Variants in BRPF3 observed in about 807,000 individuals in gnomAD.
The protein encoded by BRPF3 is bromodomain and PHD finger-containing protein 3.
BRPF3 carries 18 observed loss-of-function variants against 102.0 expected under a neutral mutation model. That is an observed-to-expected ratio of 0.18 (90% confidence interval 0.12 to 0.26). The LOEUF is 0.26. Ranked by LOEUF, BRPF3 falls within the 10% of genes least tolerant of loss-of-function variation. BRPF3 has a pLI of 1.00. For synonymous variants in BRPF3, 570 were observed against 614.2 expected, an observed-to-expected ratio of 0.93 and a Z score of 1.06; for missense variants, 1,147 against 1,567.8, an observed-to-expected ratio of 0.73 and a Z score of 4.53.
At chr6:36,209,939 T>C in intron 5 of BRPF3, 24 bp downstream of exon 5, 3 of 1,612,822 alleles carry the variant, frequency 1.9e-6, no homozygotes, top group Non-Finnish European at 2.5e-6. Flanking sequence ...ACTTTCCAAG[T>C]AGTAAATTCT....
chr6:36,202,413 C>G (rs751149589), intron 2 of BRPF3, among the ~76,000 whole-genome samples: 7 of 140,064 alleles, frequency 5.0e-5, no homozygotes, highest in African/African-American at 1.3e-4. Flanking sequence ...TCTGTGGACC[C>G]CCCCCCCCTC....
intron 2 of BRPF3, among the ~76,000 whole-genome samples, chr6:36,204,147 T>C (rs1233008886): frequency 6.6e-6 from 1 of 152,166 alleles, no homozygotes; most frequent in Non-Finnish European, 1.5e-5. Flanking sequence ...CTGTTGAGGT[T>C]TATACCATGA....
chr6:36,212,878 G>A (rs190454624), intron 7 of BRPF3, among the ~76,000 whole-genome samples: 453 of 152,208 alleles, frequency 3.0e-3, no homozygotes, highest in African/African-American at 0.01. Context: ...GCGTGAACCC[G>A]GGAAGCGGAG....
intron 12 of BRPF3, 100 bp downstream of exon 12, chr6:36,229,156 AGTT>A (rs1015197771): frequency 2.7e-6 from 4 of 1,454,786 alleles, no homozygotes; most frequent in Non-Finnish European, 3.7e-6. Flanking sequence ...GGATGTTACC[AGTT>A]ACCCTGGTCT....
intron 11 of BRPF3, 90 bp from the exon 12 acceptor site, chr6:36,228,812 G>C: frequency 6.9e-7 from 1 of 1,456,220 alleles, no homozygotes; most frequent in South Asian, 1.2e-5. Context: ...TACTCCCCTG[G>C]TGTGGGTGCT....
At chr6:36,211,180 C>G in intron 6 of BRPF3, 78 bp from the exon 7 acceptor site, 4 of 1,456,236 alleles carry the variant, frequency 2.7e-6, no homozygotes, top group South Asian at 2.6e-5. Flanking sequence ...GTTTTGCATC[C>G]GAAGGATTCG....
In BRPF3 at chr6:36,211,372, C is replaced by T. The variant is rs548163808; in HGVS notation, c.2294C>T (p.Thr765Ile). The change falls in exon 7 of 13, where the codon ACC (threonine) becomes ATC (isoleucine). Residue 765 changes from threonine (T) to isoleucine (I), a missense_variant. By Grantham distance (89) the Thr-to-Ile change is moderately conservative (BLOSUM62 -1). Coordinates refer to ENST00000357641, the MANE Select transcript of BRPF3 (RefSeq NM_015695.3). ...VSAMRSSGAR[T>I]RRVRLLRREI... Reference sequence around the variant, plus strand: ...GCCATGCGGTCCAGTGGGGCCCGCACCCGTCGTGTCCGCCTGCTACGCCGG... The same window carrying T: ...GCCATGCGGTCCAGTGGGGCCCGCATCCGTCGTGTCCGCCTGCTACGCCGG... 2.1e-5 allele frequency: 34 copies of T among 1,614,234 alleles called. No homozygotes were observed. The East Asian group carries it at 7.4e-4, about 35-fold the overall frequency.
In BRPF3 at chr6:36,207,241, C is replaced by T. The variant is rs533251591; in HGVS notation, c.1606-72C>T. 2,306 of 1,567,372 alleles carry T rather than the reference C, an allele frequency of 1.5e-3. 20 individuals are homozygous for T. The highest frequency in any genetic ancestry group is 0.012 in the African/African-American group (921 of 73,750). On this transcript the variant is annotated intron_variant, in intron 3 of 12. Transcript: ENST00000357641. ...ACAAGACTTTTACCTGCTGCAGCCCCGTGAGGCTTGAACAGGGAGAGGACT... is the reference window on the plus strand; with the variant it reads ...ACAAGACTTTTACCTGCTGCAGCCCTGTGAGGCTTGAACAGGGAGAGGACT...
At chr6:36,198,451 T>C (rs1319976565) in intron 1 of BRPF3, among the ~76,000 whole-genome samples, 1 of 152,194 alleles carries the variant, frequency 6.6e-6, no homozygotes, top group African/African-American at 2.4e-5. Context: ...ACCTCTGTGG[T>C]GTTCTTAATT....
At chr6:36,218,979 C>G (rs1156429078) in intron 9 of BRPF3, among the ~76,000 whole-genome samples, 1 of 152,136 alleles carries the variant, frequency 6.6e-6, no homozygotes, top group Non-Finnish European at 1.5e-5. Flanking sequence ...GAAACCCTCA[C>G]TGCCACAAAG....
chr6:36,212,451 C>A lies in BRPF3; in HGVS notation c.2482+891C>A, dbSNP rs146419087. On this transcript the variant is annotated intron_variant, in intron 7 of 12. Coordinates refer to ENST00000357641, the MANE Select transcript of BRPF3 (RefSeq NM_015695.3). The stretch of plus-strand genomic sequence containing the variant: ...AGAGATCACATTTGACATCAGAGGG[C>A]TTTTATGTCCATTGTGACTCCTCTG... Among the ~76,000 whole-genome samples the A allele has an allele frequency of 6.1e-4, 93 of 151,710 alleles. 2 individuals are homozygous for A. The East Asian group carries it at 0.016, about 26-fold the overall frequency.
Position 36,231,203 on chromosome 6 carries a change from CT to C in BRPF3, c.*599del, listed in dbSNP as rs1366380282. On this transcript the variant is annotated 3_prime_UTR_variant, in exon 13 of 13. Transcript: ENST00000357641. ...TGACAGAAACCGTCACCACACTGGT[CT>C]TTTTCTTTAATGTCTCATTCCCCTT... 1 of 152,942 alleles carries C rather than the reference CT, an allele frequency of 6.5e-6. No homozygotes were observed. The highest frequency in any genetic ancestry group is 1.5e-5 in the Non-Finnish European group (1 of 68,288). 9.5% of individuals were successfully genotyped at this position (152,942 alleles called of 1,614,324 possible). A position where few individuals can be genotyped will look rare whatever the true frequency, so the allele number is the denominator to read the frequency against.
rs1163564110 is a variant in BRPF3 at position 36,225,252 on chromosome 6, C to T, written c.3182-15C>T. On this transcript the variant is annotated splice_polypyrimidine_tract_variant and intron_variant, in intron 10 of 12. Transcript: ENST00000357641. ...TCCCCTTTGGGTGCTGTCTCCTCCC[C>T]TCCCCCACCCCCAGGCAGAAGCCTC... is the stretch of plus-strand genomic sequence containing the variant. 1.2e-6 allele frequency: 2 copies of T among 1,603,026 alleles called. No individual in the cohort carries two copies. Among genetic ancestry groups the T allele is most frequent in the East Asian group, 4.5e-5 (2 of 44,864 alleles).
In BRPF3 at chr6:36,214,127, G is replaced by A; in HGVS notation, c.2730G>A (p.Met910Ile). The stretch of plus-strand genomic sequence containing the variant: ...ATGGCATCAACAGACTATCCCTCAT[G>A]GCCCCTGACACCCCGGCCGGTACCC... ...SDNGINRLSL[M>I]APDTPAGTPL... The change falls in exon 8 of 13, where the codon ATG (methionine) becomes ATA (isoleucine). Residue 910 changes from methionine to isoleucine, a missense_variant. This residue lies in a region of BRPF3 where 379 missense variants were observed against 426.3 expected (regional missense o/e 0.89). Transcript: ENST00000357641. 6.2e-7 allele frequency: 1 copy of A among 1,614,206 alleles called. No individual in the cohort carries two copies.
intron 2 of BRPF3, among the ~76,000 whole-genome samples, chr6:36,202,419 C>CT (rs376556495): frequency 7.0e-6 from 1 of 142,578 alleles, no homozygotes; most frequent in Non-Finnish European, 1.6e-5. Flanking sequence ...GACCCCCCCC[C>CT]CCTCCGCCCC....
chr6:36,204,931 C>A, intron 3 of BRPF3, 117 bp downstream of exon 3: 2 of 1,402,094 alleles, frequency 1.4e-6, no homozygotes, highest in South Asian at 1.4e-5. Flanking sequence ...CTTTGCCTAC[C>A]TGTCTGGGTG....
rs1383679548 is a variant in BRPF3 at position 36,211,763 on chromosome 6, C to A, written c.2482+203C>A. Among the ~76,000 whole-genome samples the A allele has an allele frequency of 2.0e-5, 3 of 152,186 alleles. No homozygotes were observed. The East Asian group carries it at 5.8e-4, about 29-fold the overall frequency. ...ACAATCACTAGAGACTAAAATTTATCCATCTCAGTAGATGTTGGCTGTTAT... is the reference window on the plus strand; with the variant it reads ...ACAATCACTAGAGACTAAAATTTATACATCTCAGTAGATGTTGGCTGTTAT... On this transcript the variant is annotated intron_variant, in intron 7 of 12. Transcript: ENST00000357641.
chr6:36,230,695 C>A lies in BRPF3; in HGVS notation c.*86C>A. On this transcript the variant is annotated 3_prime_UTR_variant, in exon 13 of 13. Coordinates refer to ENST00000357641, the MANE Select transcript of BRPF3 (RefSeq NM_015695.3). The surrounding 1 kb of genome is among the most constrained non-coding windows in gnomAD (Gnocchi z 5.4). ...TCTTCTGCCCCTGCCAGATGTATGG[C>A]CGGCAGCTTCCCCCTCTCATGGTAG... The A allele has an allele frequency of 6.9e-7, 1 of 1,448,052 alleles. No individual in the cohort carries two copies. The highest frequency in any genetic ancestry group is 9.3e-7 in the Non-Finnish European group (1 of 1,073,410). 89.7% of individuals were successfully genotyped at this position (1,448,052 alleles called of 1,614,324 possible).
At chr6:36,211,628 C>G in intron 7 of BRPF3, 68 bp downstream of exon 7, 1 of 1,497,748 alleles carries the variant, frequency 6.7e-7, no homozygotes, top group Non-Finnish European at 9.0e-7. Context: ...GCTGAAATAT[C>G]ATAATGGGGG....
Sources: allele counts gnomAD v4.1 joint callset (sites outside exome capture counted in the v4.1 genomes callset), GRCh38; gene constraint gnomAD v4.1.1; regional missense constraint gnomAD v4.1.1; non-coding constraint Gnocchi (gnomAD v3.1); transcripts MANE v1.5; gene names NCBI Gene and HGNC (gene_info 2026-07-23, HGNC 2026-07-21).